BCHE: variants seen among roughly 807,000 people sequenced by gnomAD.
BCHE encodes the protein butyrylcholinesterase.
BCHE carries 48 observed loss-of-function variants against 51.3 expected under a neutral mutation model. That is an observed-to-expected ratio of 0.94 (90% CI 0.74 to 1.19). BCHE has a LOEUF of 1.19. Among genes scored for constraint, BCHE ranks in the 50% most tolerant of loss-of-function variants. The pLI, the probability that BCHE is intolerant of heterozygous loss-of-function variation, is 0.00. For synonymous variants in BCHE, 251 were observed against 238.0 expected, an observed-to-expected ratio of 1.05 and a Z score of -0.50; for missense variants, 847 against 708.2, an observed-to-expected ratio of 1.20 and a Z score of -2.23.
At chr3:165,794,331 T>G (rs894960872) in intron 2 of BCHE, among the ~76,000 whole-genome samples, 1 of 152,180 alleles carries the variant, frequency 6.6e-6, no homozygotes, top group Admixed American at 6.5e-5. Flanking sequence ...AAAATGTAAG[T>G]ATTTTTTCTT....
intron 3 of BCHE, among the ~76,000 whole-genome samples, chr3:165,779,655 CCATT>C (rs936740733): frequency 2.6e-5 from 4 of 152,040 alleles, no homozygotes; most frequent in African/African-American, 9.7e-5. Context: ...TGAATGAACT[CCATT>C]CACAATTGCT....
intron 2 of BCHE, among the ~76,000 whole-genome samples, chr3:165,820,285 T>C (rs1366308243): frequency 2.0e-5 from 3 of 152,122 alleles, no homozygotes; most frequent in Non-Finnish European, 4.4e-5. Flanking sequence ...CTGAAAGTGA[T>C]CTTATATACA....
chr3:165,783,707 C>T (rs566247894), intron 3 of BCHE, among the ~76,000 whole-genome samples: 3 of 152,132 alleles, frequency 2.0e-5, no homozygotes, highest in Non-Finnish European at 4.4e-5. Flanking sequence ...AATAAATTTA[C>T]TCTTCCACTT....
At chr3:165,825,283 A>G (rs940270955) in intron 2 of BCHE, among the ~76,000 whole-genome samples, 5 of 152,052 alleles carry the variant, frequency 3.3e-5, no homozygotes, top group African/African-American at 4.8e-5. Flanking sequence ...CTGAATATTT[A>G]TATGGGAAAT....
At chr3:165,814,536 G>A (rs1042329198) in intron 2 of BCHE, among the ~76,000 whole-genome samples, 1 of 152,006 alleles carries the variant, frequency 6.6e-6, no homozygotes, top group African/African-American at 2.4e-5. Context: ...TGCATGCTGA[G>A]CCCTGCCTAG....
chr3:165,786,956 T>C (rs1034496910), intron 2 of BCHE, among the ~76,000 whole-genome samples: 2 of 151,808 alleles, frequency 1.3e-5, no homozygotes, highest in Admixed American at 6.6e-5. Flanking sequence ...TTTCAGATAT[T>C]CTTTTTATAC....
chr3:165,831,752 G>T (rs1026714534), intron 1 of BCHE, among the ~76,000 whole-genome samples: 1 of 152,078 alleles, frequency 6.6e-6, no homozygotes, highest in South Asian at 2.1e-4. Context: ...AATAAAGAGC[G>T]AAGGCTGAGG....
chr3:165,782,761 G>T (rs1712757774), intron 3 of BCHE, among the ~76,000 whole-genome samples: 1 of 152,124 alleles, frequency 6.6e-6, no homozygotes, highest in Non-Finnish European at 1.5e-5. Flanking sequence ...CTAAGATCAA[G>T]CAACGTAGAC....
chr3:165,803,097 CT>C (rs1404369521), intron 2 of BCHE, among the ~76,000 whole-genome samples: 2 of 152,104 alleles, frequency 1.3e-5, no homozygotes, highest in African/African-American at 4.8e-5. Flanking sequence ...GAAATAAGAA[CT>C]GAGCTCTGGG....
At chr3:165,823,786 T>A (rs1194765226) in intron 2 of BCHE, among the ~76,000 whole-genome samples, 1 of 151,860 alleles carries the variant, frequency 6.6e-6, no homozygotes, top group Non-Finnish European at 1.5e-5. Flanking sequence ...AGAGAGGAGA[T>A]CTGTTCTGTC....
At position 165,829,461 on chromosome 3, in the gene BCHE, G is replaced by A. The variant is rs1331638473; in HGVS notation, c.1517+56C>T. ...AAGTCTACCCCAGAGACCAAGCAAA[G>A]CTAAGCAAAACGGATCAAACCAAGC... On this transcript the variant is annotated intron_variant, in intron 2 of 3. Transcript: ENST00000264381. 4.1e-6 allele frequency: 6 copies of A among 1,466,634 alleles called. No individual in the cohort carries two copies. In the African/African-American group the frequency reaches 7.0e-5, roughly 17 times the overall value. 90.9% of individuals were successfully genotyped at this position (1,466,634 alleles called of 1,614,324 possible). A position where few individuals can be genotyped will look rare whatever the true frequency, so the allele number is the denominator to read the frequency against.
At chr3:165,815,775 T>A (rs1006550810) in intron 2 of BCHE, among the ~76,000 whole-genome samples, 2 of 152,058 alleles carry the variant, frequency 1.3e-5, no homozygotes, top group African/African-American at 4.8e-5. Context: ...AACAGATTAA[T>A]TTTCTATTAG....
At chr3:165,801,046 A>G (rs975396056) in intron 2 of BCHE, among the ~76,000 whole-genome samples, 4 of 152,172 alleles carry the variant, frequency 2.6e-5, no homozygotes, top group African/African-American at 4.8e-5. Context: ...TTGAAAGCCA[A>G]CCTTCCTTCC....
chr3:165,795,608 A>C (rs940851865), intron 2 of BCHE, among the ~76,000 whole-genome samples: 1 of 152,152 alleles, frequency 6.6e-6, no homozygotes, highest in East Asian at 1.9e-4. Context: ...AGAAATGAGA[A>C]AAATAATTAC....
At chr3:165,802,304 C>T (rs899665012) in intron 2 of BCHE, among the ~76,000 whole-genome samples, 9 of 151,856 alleles carry the variant, frequency 5.9e-5, no homozygotes, top group Non-Finnish European at 1.0e-4. Context: ...TCATATGGGC[C>T]CATTTAGATA....
chr3:165,804,370 T>A (rs1270075846), intron 2 of BCHE, among the ~76,000 whole-genome samples: 1 of 152,082 alleles, frequency 6.6e-6, no homozygotes, highest in African/African-American at 2.4e-5. Context: ...TTTTTCAGAT[T>A]ACATATTTTT....
chr3:165,821,444 A>G (rs1052037266), intron 2 of BCHE, among the ~76,000 whole-genome samples: 4 of 151,748 alleles, frequency 2.6e-5, no homozygotes, highest in African/African-American at 7.2e-5. Context: ...ATTAAAAAAA[A>G]AGAGAGAGAG....
chr3:165,777,872 T>C, intron 3 of BCHE: 2 of 372,236 alleles, frequency 5.4e-6, no homozygotes, highest in Admixed American at 5.4e-5. Flanking sequence ...AAATATATTT[T>C]CTCTCTTATG....
chr3:165,788,450 G>C (rs1166597837), intron 2 of BCHE, among the ~76,000 whole-genome samples: 1 of 152,016 alleles, frequency 6.6e-6, no homozygotes, highest in East Asian at 1.9e-4. Flanking sequence ...TTATTTGAGA[G>C]AGGTCAAGGA....
Sources: allele counts gnomAD v4.1 joint callset (sites outside exome capture counted in the v4.1 genomes callset), GRCh38; gene constraint gnomAD v4.1.1; transcripts MANE v1.5; gene names NCBI Gene and HGNC (gene_info 2026-07-23, HGNC 2026-07-21).